Variants in LRRC7 observed in about 807,000 individuals in gnomAD.
LRRC7 encodes the protein leucine-rich repeat-containing protein 7.
In LRRC7, 23 loss-of-function variants were observed where a neutral mutation model predicts 175.7. That is an observed-to-expected ratio of 0.13 (90% CI 0.09 to 0.19). LRRC7 has a LOEUF of 0.19. Among genes scored for constraint, LRRC7 ranks in the 10% least tolerant of loss-of-function variants. LRRC7 has a pLI of 1.00. For synonymous variants in LRRC7, 685 were observed against 680.9 expected (o/e 1.01, Z -0.09); for missense variants, 1,354 against 1,904.7 (o/e 0.71, Z 5.38).
chr1:70,030,196 TA>T (rs1658562844), intron 18 of LRRC7, among the ~76,000 whole-genome samples: 1 of 152,156 alleles, frequency 6.6e-6, no homozygotes, highest in South Asian at 2.1e-4. Flanking sequence ...ATGATCTTTC[TA>T]AAAAAGAATT....
chr1:70,018,933 A>G, intron 15 of LRRC7, 115 bp downstream of exon 15: 1 of 642,122 alleles, frequency 1.6e-6, no homozygotes. Context: ...TATAAAGATA[A>G]TTACATGACA....
At chr1:69,981,848 A>G (rs1045260145) in intron 9 of LRRC7, among the ~76,000 whole-genome samples, 1 of 152,236 alleles carries the variant, frequency 6.6e-6, no homozygotes, top group African/African-American at 2.4e-5. Flanking sequence ...TCTGTGTTGT[A>G]CAAATGTTGA....
At chr1:69,878,297 A>G (rs1049978961) in intron 7 of LRRC7, among the ~76,000 whole-genome samples, 2 of 151,176 alleles carry the variant, frequency 1.3e-5, no homozygotes, top group Non-Finnish European at 3.0e-5. Context: ...AAAAACAAGA[A>G]TGCTCTTAAA....
rs927608275 is a variant in LRRC7, at chr1:70,130,297, G to A, written c.*8410G>A. 5.4e-4 allele frequency: 82 copies of A among 152,206 alleles called. 2 individuals carry two copies. Among genetic ancestry groups the A allele is most frequent in the African/African-American group, 1.9e-3 (78 of 41,516 alleles). 9.4% of individuals were successfully genotyped at this position (152,206 alleles called of 1,614,324 possible). A position where few individuals can be genotyped will look rare whatever the true frequency, so the allele number is the denominator to read the frequency against. On this transcript the variant is annotated 3_prime_UTR_variant, in exon 27 of 27. Transcript: ENST00000651989. Reference sequence around the variant, plus strand: ...GTTTTGTTTACCATATATCCTTAATGCCTGTCATAGTGTCAGAAACATAGT... The same window carrying A: ...GTTTTGTTTACCATATATCCTTAATACCTGTCATAGTGTCAGAAACATAGT...
chr1:69,998,277 CCTT>C (rs974555029), intron 11 of LRRC7, among the ~76,000 whole-genome samples: 27 of 152,166 alleles, frequency 1.8e-4, no homozygotes, highest in African/African-American at 6.5e-4. Context: ...CTCCCCCAGT[CCTT>C]CTCCCCATCA....
intron 2 of LRRC7, among the ~76,000 whole-genome samples, chr1:69,703,841 T>C (rs1392296228): frequency 1.3e-5 from 2 of 152,006 alleles, no homozygotes; most frequent in South Asian, 2.1e-4. Context: ...CATAGGTAGA[T>C]AGTGCAGATA....
At chr1:69,794,320 A>T (rs1675462362) in intron 4 of LRRC7, among the ~76,000 whole-genome samples, 1 of 152,124 alleles carries the variant, frequency 6.6e-6, no homozygotes, top group Non-Finnish European at 1.5e-5. Flanking sequence ...TGAAAGAGAC[A>T]ATTAGAACAT....
At chr1:69,808,551 TAACA>T (rs1162073246) in intron 4 of LRRC7, among the ~76,000 whole-genome samples, 4 of 152,212 alleles carry the variant, frequency 2.6e-5, no homozygotes, top group South Asian at 4.1e-4. Flanking sequence ...ATGGAAATCA[TAACA>T]AACAGTCTCT....
At chr1:69,640,641 T>C (rs1654068067) in intron 1 of LRRC7, among the ~76,000 whole-genome samples, 1 of 95,644 alleles carries the variant, frequency 1.0e-5, no homozygotes, top group South Asian at 4.1e-4. Context: ...CTTTTGTCAT[T>C]TTTTTTTAAT....
intron 8 of LRRC7, among the ~76,000 whole-genome samples, chr1:69,940,311 T>C (rs575263488): frequency 3.9e-5 from 6 of 152,246 alleles, no homozygotes; most frequent in African/African-American, 7.2e-5. Context: ...AGCAGTAAAA[T>C]AAATCATCTT....
At chr1:70,074,877 AAATTTAATCTCTTCCATG>A (rs1212947853) in intron 23 of LRRC7, among the ~76,000 whole-genome samples, 1 of 129,508 alleles carries the variant, frequency 7.7e-6, no homozygotes, top group Non-Finnish European at 1.7e-5. Flanking sequence ...TAAAATAATT[AAATTTAATCTCTTCCATG>A]AATACTTATT....
At chr1:69,921,859 A>G (rs1032267434) in intron 7 of LRRC7, among the ~76,000 whole-genome samples, 13 of 152,144 alleles carry the variant, frequency 8.5e-5, no homozygotes, top group African/African-American at 2.9e-4. Flanking sequence ...GTGCTTACCT[A>G]CATATTATTT....
intron 7 of LRRC7, among the ~76,000 whole-genome samples, chr1:69,864,693 A>G (rs17131061): frequency 0.052 from 7,945 of 152,294 alleles, 256 homozygotes; most frequent in East Asian, 0.15. Flanking sequence ...AACAAAGAGT[A>G]TCCACTTTCT....
intron 22 of LRRC7, among the ~76,000 whole-genome samples, chr1:70,048,692 A>G (rs929628123): frequency 1.3e-5 from 2 of 152,090 alleles, no homozygotes; most frequent in African/African-American, 4.8e-5. Flanking sequence ...CATGACCCCA[A>G]TCATGCCCTG....
chr1:69,714,431 A>G (rs1665113505), intron 2 of LRRC7, among the ~76,000 whole-genome samples: 2 of 152,200 alleles, frequency 1.3e-5, no homozygotes, highest in East Asian at 1.9e-4. Flanking sequence ...TGAAACATAA[A>G]TAATTAGAAT....
At chr1:70,009,473 C>A (rs1656299107) in intron 11 of LRRC7, among the ~76,000 whole-genome samples, 1 of 151,458 alleles carries the variant, frequency 6.6e-6, no homozygotes, top group Admixed American at 6.6e-5. Flanking sequence ...GGCATCCCAG[C>A]AACATAACCA....
Position 70,023,162 on chromosome 1 carries a change from C to T in LRRC7, c.1582C>T (p.Arg528Cys), listed in dbSNP as rs1340041433. The change falls in exon 17 of 27, where the codon CGT becomes TGT. Residue 528 changes from arginine (R) to cysteine (C), a missense_variant. By Grantham distance (180) the Arg-to-Cys change is radical. This residue lies in a region of LRRC7 where 1,032 missense variants were observed against 1,227.2 expected (regional missense o/e 0.84). Transcript: ENST00000651989. The part of the protein sequence containing the change: ...SCQAPWERGQ[R>C]GITLQPARLS... ...CCAAGCCCCCTGGGAAAGGGGCCAG[C>T]GTGGGATTACTCTCCAACCTGCCAG... The T allele has an allele frequency of 2.0e-6, 3 of 1,486,950 alleles. No homozygotes were observed. The highest frequency in any genetic ancestry group is 2.7e-6 in the Non-Finnish European group (3 of 1,104,580). 92.1% of individuals were successfully genotyped at this position (1,486,950 alleles called of 1,614,324 possible). A position where few individuals can be genotyped will look rare whatever the true frequency, so the allele number is the denominator to read the frequency against.
intron 7 of LRRC7, among the ~76,000 whole-genome samples, chr1:69,923,697 T>C (rs1482858674): frequency 6.6e-6 from 1 of 152,096 alleles, no homozygotes; most frequent in African/African-American, 2.4e-5. Context: ...AGATTCTGGA[T>C]ATTAGCCCTT....
chr1:69,598,776 T>C (rs530102129), intron 1 of LRRC7, among the ~76,000 whole-genome samples: 4 of 152,290 alleles, frequency 2.6e-5, no homozygotes, highest in African/African-American at 9.6e-5. Context: ...TACAAAAGGA[T>C]ATTGGATGCA....
Sources: gnomAD v4.1 joint callset for allele counts (sites outside exome capture counted in the v4.1 genomes callset) on GRCh38, gnomAD v4.1.1 for gene constraint, gnomAD v4.1.1 regional missense constraint, MANE v1.5 for transcripts, NCBI Gene and HGNC (gene_info 2026-07-23, HGNC 2026-07-21) for gene names.